The following EPG5 variants were observed in gnomAD, a reference collection of about 807,000 sequenced individuals.
EPG5 encodes ectopic P granules protein 5 homolog.
A neutral mutation model predicts 302.7 loss-of-function variants in EPG5; 159 were observed. That is an observed-to-expected ratio of 0.53 (90% confidence interval 0.46 to 0.60). The LOEUF (loss-of-function observed/expected upper bound fraction) is 0.60, where lower values mean the gene tolerates loss of function less well. EPG5 is among the 20% of genes least tolerant of loss of function. The probability of loss-of-function intolerance (pLI) is 0.00; values close to 1 mark genes in which losing one functional copy is unlikely to be tolerated. For missense variants in EPG5, 2,896 were observed against 3,092.4 expected, an observed-to-expected ratio of 0.94 and a Z score of 1.51; for synonymous variants, 1,158 against 1,136.8, an observed-to-expected ratio of 1.02 and a Z score of -0.37.
At position 45,948,498 on chromosome 18, in the gene EPG5, C is replaced by G; in HGVS notation, c.1571+5G>C. ...CTCTACTTCACAAAGCTCTTGCACA[C>G]TTACTTGACAGGAGACATCAGCAGG... On this transcript the variant is annotated splice_donor_5th_base_variant and intron_variant, in intron 6 of 43. Transcript: ENST00000282041. The G allele has an allele frequency of 6.2e-7, 1 of 1,611,058 alleles. No individual in the cohort carries two copies. Among genetic ancestry groups the G allele is most frequent in the Non-Finnish European group, 8.5e-7 (1 of 1,177,324 alleles).
intron 16 of EPG5, among the ~76,000 whole-genome samples, chr18:45,918,189 G>A (rs1482838938): frequency 6.6e-6 from 1 of 152,120 alleles, no homozygotes; most frequent in Non-Finnish European, 1.5e-5. Flanking sequence ...TCCTTGTCTG[G>A]ATATTCCCAC....
At chr18:45,916,831 G>C (rs1021681490) in intron 17 of EPG5, 9 of 268,632 alleles carry the variant, frequency 3.4e-5, no homozygotes, top group African/African-American at 1.8e-4. Flanking sequence ...AACAGCATTA[G>C]AGGAAAAACA....
intron 10 of EPG5, among the ~76,000 whole-genome samples, chr18:45,936,778 T>C (rs2050536475): frequency 7.9e-6 from 1 of 127,092 alleles, no homozygotes; most frequent in African/African-American, 3.5e-5. Context: ...TTACCTGTTA[T>C]TAAATTAAAA....
chr18:45,966,424 G>A (rs2051264505), intron 1 of EPG5, among the ~76,000 whole-genome samples: 1 of 151,080 alleles, frequency 6.6e-6, no homozygotes, highest in South Asian at 2.1e-4. Flanking sequence ...ACACACATAT[G>A]TATATATGTA....
chr18:45,897,530 T>C (rs1435249841), intron 27 of EPG5, among the ~76,000 whole-genome samples: 1 of 152,214 alleles, frequency 6.6e-6, no homozygotes, highest in East Asian at 1.9e-4. Context: ...TTCTTAAATA[T>C]TTCTACCTTG....
chr18:45,918,313 A>T (rs1256658436), intron 16 of EPG5, among the ~76,000 whole-genome samples: 1 of 152,214 alleles, frequency 6.6e-6, no homozygotes, highest in African/African-American at 2.4e-5. Context: ...GAACACTCGT[A>T]TCATACTTAA....
intron 4 of EPG5, among the ~76,000 whole-genome samples, chr18:45,950,077 C>G (rs937748869): frequency 6.6e-6 from 1 of 152,186 alleles, no homozygotes; most frequent in Non-Finnish European, 1.5e-5. Flanking sequence ...TTTTACCTTT[C>G]TTCTTTCTCT....
At chr18:45,812,488 T>C in the EPG5 span, among the ~76,000 whole-genome samples, 1 of 152,176 alleles carries the variant, frequency 6.6e-6, no homozygotes, top group African/African-American at 2.4e-5. Flanking sequence ...AGAACAAAGC[T>C]GGAGGCATCA....
chr18:45,879,200 T>C lies in EPG5; in HGVS notation c.5682A>G (p.Ile1894Met), dbSNP rs372631564. The change falls in exon 33 of 44, where the codon ATA (isoleucine) becomes ATG (methionine). Residue 1894 changes from isoleucine to methionine, a missense_variant. By Grantham distance (10) the Ile-to-Met change is conservative (BLOSUM62 1). Around this residue, in one of 5 missense-constraint regions of EPG5, gnomAD observed 790 missense variants for 798.0 expected, o/e 0.99. Transcript: ENST00000282041. ...LLSDKQVMET[I>M]QWLSDFFYKL... ...TATAAAAAAAGTCTGAAAGCCACTGTATAGTCTCCATTACCTGGAAGAGAC... is the reference window on the plus strand; with the variant it reads ...TATAAAAAAAGTCTGAAAGCCACTGCATAGTCTCCATTACCTGGAAGAGAC... The C allele has an allele frequency of 6.2e-7, 1 of 1,609,282 alleles. No homozygotes were observed. The highest frequency in any genetic ancestry group is 8.5e-7 in the Non-Finnish European group (1 of 1,178,846).
At chr18:45,915,076 C>T (rs375679672) in intron 20 of EPG5, among the ~76,000 whole-genome samples, 1 of 151,780 alleles carries the variant, frequency 6.6e-6, no homozygotes, top group Non-Finnish European at 1.5e-5. Flanking sequence ...GTGAGGAGTT[C>T]GAGACCAGCC....
At chr18:45,899,025 T>TG (rs2049542854) in intron 27 of EPG5, among the ~76,000 whole-genome samples, 1 of 152,052 alleles carries the variant, frequency 6.6e-6, no homozygotes, top group African/African-American at 2.4e-5. Context: ...CTCGGGAGGC[T>TG]GGGGCAGGAG....
the EPG5 span, among the ~76,000 whole-genome samples, chr18:45,808,832 A>G: frequency 6.6e-6 from 1 of 152,188 alleles, no homozygotes; most frequent in African/African-American, 2.4e-5. Flanking sequence ...AATAAAAACA[A>G]AAAAACAAGG....
intron 16 of EPG5, among the ~76,000 whole-genome samples, chr18:45,920,350 T>C (rs1018983560): frequency 5.9e-5 from 9 of 152,336 alleles, no homozygotes; most frequent in African/African-American, 2.2e-4. Context: ...GAGATGGCCC[T>C]TGAAGTAACT....
intron 27 of EPG5, among the ~76,000 whole-genome samples, chr18:45,893,129 T>C (rs1351070206): frequency 1.3e-5 from 2 of 152,148 alleles, no homozygotes; most frequent in Non-Finnish European, 2.9e-5. Context: ...CCTGGCAATA[T>C]TGAATGGGAA....
chr18:45,906,441 C>T (rs912298166), intron 24 of EPG5, among the ~76,000 whole-genome samples: 3 of 152,126 alleles, frequency 2.0e-5, no homozygotes, highest in African/African-American at 7.2e-5. Flanking sequence ...ACATGCCCAT[C>T]CCTTTCTCAC....
At chr18:45,959,196 C>T (rs551054632) in intron 1 of EPG5, among the ~76,000 whole-genome samples, 3 of 152,296 alleles carry the variant, frequency 2.0e-5, no homozygotes, top group East Asian at 3.9e-4. Context: ...ACAAAATTAG[C>T]CAGGCATGGT....
intron 38 of EPG5, among the ~76,000 whole-genome samples, chr18:45,866,189 G>A (rs1259413521): frequency 5.4e-5 from 8 of 148,716 alleles, no homozygotes; most frequent in African/African-American, 1.3e-4. Context: ...GTGCGATCTC[G>A]GCTCACTGCA....
At chr18:45,898,911 G>C (rs1206194369) in intron 27 of EPG5, among the ~76,000 whole-genome samples, 1 of 152,210 alleles carries the variant, frequency 6.6e-6, no homozygotes, top group Non-Finnish European at 1.5e-5. Context: ...TGGATCACCA[G>C]GTCAGGAGTT....
rs573611039 is a variant in EPG5 at position 45,966,179 on chromosome 18, T to C, written c.63+998A>G. On this transcript the variant is annotated intron_variant, in intron 1 of 43. Coordinates refer to ENST00000282041, the MANE Select transcript of EPG5 (RefSeq NM_020964.3). ...CGAGGTCAGGAGATCGAGACCATCC[T>C]GGCTAACACGGTGAAACCCCGTCTC... Among the ~76,000 whole-genome samples, 4 of 152,028 alleles carry C rather than the reference T, an allele frequency of 2.6e-5. No individual in the cohort carries two copies. In the East Asian group the frequency reaches 5.8e-4, roughly 22 times the overall value.
Sources: gnomAD v4.1 joint callset for allele counts (sites outside exome capture counted in the v4.1 genomes callset) on GRCh38, gnomAD v4.1.1 for gene constraint, gnomAD v4.1.1 regional missense constraint, MANE v1.5 for transcripts, NCBI Gene and HGNC (gene_info 2026-07-23, HGNC 2026-07-21) for gene names.